PTPRD: variants seen among roughly 807,000 people sequenced by gnomAD.
PTPRD encodes the protein protein tyrosine phosphatase receptor type D, also known as receptor-type tyrosine-protein phosphatase delta.
Under a neutral mutation model 214.5 loss-of-function variants are expected in PTPRD, and 34 were observed. The ratio of observed to expected loss-of-function variants is 0.16; its 90% CI spans 0.12 to 0.21. The LOEUF is 0.21. Among genes scored for constraint, PTPRD ranks in the 10% least tolerant of loss-of-function variants. The pLI, the probability that PTPRD is intolerant of heterozygous loss-of-function variation, is 1.00. For synonymous variants in PTPRD, 1,128 were observed against 845.7 expected (o/e 1.33, Z -5.79); for missense variants, 2,545 against 2,398.7 (o/e 1.06, Z -1.27).
intron 7 of PTPRD, among the ~76,000 whole-genome samples, chr9:9,602,585 C>T (rs1012791281): frequency 4.6e-5 from 7 of 151,968 alleles, no homozygotes; most frequent in East Asian, 3.9e-4. Context: ...GTACCCTCAT[C>T]GCTCATTATA....
At chr9:10,605,166 TATAAGA>T (rs1193253406) in intron 2 of PTPRD, among the ~76,000 whole-genome samples, 1 of 151,850 alleles carries the variant, frequency 6.6e-6, no homozygotes, top group Non-Finnish European at 1.5e-5. Context: ...TAAGTCCTCT[TATAAGA>T]ATATCTCACC....
At chr9:10,073,140 G>A (rs78424180) in intron 3 of PTPRD, among the ~76,000 whole-genome samples, 1,818 of 152,166 alleles carry the variant, frequency 0.012, 30 homozygotes, top group African/African-American at 0.041. Context: ...AGAGGAGAAC[G>A]TTGAATAGAT....
At chr9:9,929,314 G>C (rs745629347) in intron 5 of PTPRD, among the ~76,000 whole-genome samples, 45 of 152,162 alleles carry the variant, frequency 3.0e-4, no homozygotes, top group Non-Finnish European at 5.3e-4. Flanking sequence ...CAGTCAACCT[G>C]GGCAGCCCTT....
intron 7 of PTPRD, among the ~76,000 whole-genome samples, chr9:9,621,311 T>C (rs959265288): frequency 1.3e-5 from 2 of 152,196 alleles, no homozygotes; most frequent in African/African-American, 4.8e-5. Flanking sequence ...CATTCCCATT[T>C]TTCTCTTCCT....
chr9:9,670,948 G>A (rs2096821321), intron 7 of PTPRD, among the ~76,000 whole-genome samples: 1 of 152,162 alleles, frequency 6.6e-6, no homozygotes. Context: ...TCTACTCGTA[G>A]TGGAGTAGTA....
rs549496857 is a variant in PTPRD at position 10,443,312 on chromosome 9, T to C, written c.-599-102295A>G. Reference sequence around the variant, plus strand: ...AGATAAAGTAATGTCTGATGATAAATTGGGTTTATGGTGAGCCGCTACATT... The same window carrying C: ...AGATAAAGTAATGTCTGATGATAAACTGGGTTTATGGTGAGCCGCTACATT... On this transcript the variant is annotated intron_variant, in intron 2 of 45. Coordinates refer to ENST00000381196, the MANE Select transcript of PTPRD (RefSeq NM_002839.4). 1.3e-4 allele frequency among the ~76,000 whole-genome samples: 20 copies of C among 151,788 alleles called. No homozygotes were observed. In the Middle Eastern group the frequency reaches 0.01, roughly 77 times the overall value.
At chr9:8,599,613 C>CCCT (rs2094698008) in intron 14 of PTPRD, among the ~76,000 whole-genome samples, 58 of 53,424 alleles carry the variant, frequency 1.1e-3, no homozygotes, top group Non-Finnish European at 1.6e-3. Context: ...CCCGCCCACC[C>CCCT]TTTTTTTTTT....
At chr9:10,609,033 A>G (rs911567305) in intron 2 of PTPRD, among the ~76,000 whole-genome samples, 1 of 152,156 alleles carries the variant, frequency 6.6e-6, no homozygotes, top group East Asian at 1.9e-4. Flanking sequence ...TTTAATTTTC[A>G]TTATAACTTT....
At chr9:10,541,628 T>A (rs1414837059) in intron 2 of PTPRD, among the ~76,000 whole-genome samples, 1 of 151,968 alleles carries the variant, frequency 6.6e-6, no homozygotes, top group Non-Finnish European at 1.5e-5. Flanking sequence ...ATATGTTTGT[T>A]ATTCTTTATA....
At position 8,460,512 on chromosome 9, in the gene PTPRD, C is replaced by T. The variant is rs2134152859; in HGVS notation, c.3774G>A (p.Gln1258=). 1 of 1,613,542 alleles carries T rather than the reference C, an allele frequency of 6.2e-7. No individual in the cohort carries two copies. Among genetic ancestry groups the T allele is most frequent in the Non-Finnish European group, 8.5e-7 (1 of 1,179,648 alleles). ...AGCCTTCTTCTTCATCCGTGATTGGCTGCGGATCCAGATCCATTGACACCA... is the reference window on the plus strand; with the variant it reads ...AGCCTTCTTCTTCATCCGTGATTGGTTGCGGATCCAGATCCATTGACACCA... ...DPVVSMDLDP[Q]PITDEEEGLI... The change falls in exon 33 of 46, where the codon CAG becomes CAA. Residue 1258 remains glutamine, a synonymous_variant. Coordinates refer to ENST00000381196, the MANE Select transcript of PTPRD (RefSeq NM_002839.4).
intron 10 of PTPRD, among the ~76,000 whole-genome samples, chr9:9,171,928 T>C (rs995950601): frequency 1.3e-5 from 2 of 152,148 alleles, no homozygotes; most frequent in African/African-American, 4.8e-5. Context: ...ACAAATATTA[T>C]GATAAGCTAG....
chr9:8,578,604 G>C (rs1037336277), intron 14 of PTPRD, among the ~76,000 whole-genome samples: 17 of 152,104 alleles, frequency 1.1e-4, no homozygotes, highest in Non-Finnish European at 1.9e-4. Flanking sequence ...ACATAGATGG[G>C]GCTGAGAAGT....
At chr9:9,850,287 C>A (rs2060297295) in intron 5 of PTPRD, among the ~76,000 whole-genome samples, 1 of 152,090 alleles carries the variant, frequency 6.6e-6, no homozygotes, top group South Asian at 2.1e-4. Flanking sequence ...GATCAGAAGT[C>A]ATGCTGGAGA....
intron 14 of PTPRD, among the ~76,000 whole-genome samples, chr9:8,562,875 T>C (rs1177303680): frequency 1.3e-5 from 2 of 151,922 alleles, no homozygotes; most frequent in African/African-American, 4.8e-5. Flanking sequence ...AGAGGTTTTA[T>C]GGTATTATGA....
In PTPRD at chr9:10,193,950, T is replaced by C. The variant is rs1327205348; in HGVS notation, c.-545+147013A>G. Among the ~76,000 whole-genome samples, 3 of 152,158 alleles carry C rather than the reference T, an allele frequency of 2.0e-5. No individual in the cohort carries two copies. In the East Asian group the frequency reaches 5.8e-4, roughly 29 times the overall value. On this transcript the variant is annotated intron_variant, in intron 3 of 45. Transcript: ENST00000381196. ...CATTATAACTGTTAAAGTGATCAAC[T>C]ATTGCTGTGCTCAAAGTTAGAACAA...
chr9:8,634,437 G>A (rs59292968), intron 13 of PTPRD, among the ~76,000 whole-genome samples: 39,894 of 151,756 alleles, frequency 0.26, 5,621 homozygotes, highest in African/African-American at 0.37. Flanking sequence ...TATTTATGGG[G>A]TGCTTAATTC....
intron 9 of PTPRD, among the ~76,000 whole-genome samples, chr9:9,251,640 A>G (rs1408745441): frequency 6.6e-6 from 1 of 151,880 alleles, no homozygotes; most frequent in Non-Finnish European, 1.5e-5. Flanking sequence ...TATTTTTTGT[A>G]TTTTACACCA....
chr9:8,589,355 T>C (rs1390495949), intron 14 of PTPRD, among the ~76,000 whole-genome samples: 2 of 152,336 alleles, frequency 1.3e-5, no homozygotes, highest in East Asian at 1.9e-4. Context: ...ACTCTAGATA[T>C]GGTTCTCGTA....
chr9:8,505,979 T>A (rs776076554), intron 22 of PTPRD, among the ~76,000 whole-genome samples: 1 of 152,234 alleles, frequency 6.6e-6, no homozygotes, highest in South Asian at 2.1e-4. Flanking sequence ...TTAAGTCATA[T>A]CTGCATTTCA....
Sources: gnomAD v4.1 joint callset for allele counts (sites outside exome capture counted in the v4.1 genomes callset) on GRCh38, gnomAD v4.1.1 for gene constraint, MANE v1.5 for transcripts, NCBI Gene and HGNC (gene_info 2026-07-23, HGNC 2026-07-21) for gene names.